The following DHRS4 variants were observed in gnomAD, a reference collection of about 807,000 sequenced individuals.
DHRS4 encodes the protein dehydrogenase/reductase SDR family member 4.
In DHRS4, 20 loss-of-function variants were observed where a neutral mutation model predicts 28.4. The ratio of observed to expected loss-of-function variants is 0.71; its 90% confidence interval spans 0.50 to 1.02. The LOEUF (loss-of-function observed/expected upper bound fraction) is 1.02, where lower values mean the gene tolerates loss of function less well. Among genes scored for constraint, DHRS4 ranks in the 50% least tolerant of loss-of-function variants. DHRS4 has a pLI of 0.00. For synonymous variants in DHRS4, 144 were observed against 146.4 expected, an observed-to-expected ratio of 0.98 and a Z score of 0.12; for missense variants, 378 against 367.2, an observed-to-expected ratio of 1.03 and a Z score of -0.24.
intron 2 of DHRS4, among the ~76,000 whole-genome samples, chr14:23,957,892 C>A (rs547746177): frequency 2.7e-5 from 4 of 149,856 alleles, no homozygotes; most frequent in Non-Finnish European, 5.9e-5. Context: ...TCAATCAAAA[C>A]CCAGCCTCCT....
Position 23,953,816 on chromosome 14 carries a change from T to A in DHRS4, c.28T>A (p.Cys10Ser). 1 of 1,614,130 alleles carries A rather than the reference T, an allele frequency of 6.2e-7. No individual in the cohort carries two copies. Among genetic ancestry groups the A allele is most frequent in the Middle Eastern group, 1.6e-4 (1 of 6,062 alleles). Residue 10 changes from cysteine (C) to serine (S), a missense_variant, in exon 1 of 8, where the codon TGT becomes AGT. By Grantham distance (112) the Cys-to-Ser change is moderately radical. Transcript: ENST00000313250. Reference sequence around the variant, plus strand: ...GCACAAGGCGGGGCTGCTAGGCCTCTGTGCCCGGGCTTGGAATTCGGTGCG... The same window carrying A: ...GCACAAGGCGGGGCTGCTAGGCCTCAGTGCCCGGGCTTGGAATTCGGTGCG... MHKAGLLGL[C>S]ARAWNSVRMA...
chr14:23,955,158 G>A lies in DHRS4; in HGVS notation c.252G>A (p.Thr84=), dbSNP rs12147221. Residue 84 remains threonine (T), a synonymous_variant, in exon 2 of 8, where the codon ACG becomes ACA. Transcript: ENST00000313250. ...ATLQGEGLSV[T]GTVCHVGKAE... is the part of the protein sequence containing the mutation. ...TGCAGGGGGAGGGGCTGAGCGTGAC[G>A]GGCACCGTGTGCCATGTGGGGAAGG... 0.078 allele frequency: 121,234 copies of A among 1,563,468 alleles called. 12,132 individuals are homozygous for A. The highest frequency in any genetic ancestry group is 0.54 in the African/African-American group (40,573 of 74,744).
chr14:23,958,614 GAGAGAC>G (rs1255313609), intron 2 of DHRS4, among the ~76,000 whole-genome samples: 2 of 152,226 alleles, frequency 1.3e-5, no homozygotes, highest in Non-Finnish European at 1.5e-5. Context: ...GGTCAAAAGA[GAGAGAC>G]AGAGACAGGG....
chr14:23,956,599 CTTTT>C (rs1229716867), intron 2 of DHRS4, among the ~76,000 whole-genome samples: 3 of 116,974 alleles, frequency 2.6e-5, no homozygotes. Context: ...CCTCCATATC[CTTTT>C]TTTTTTTTTT....
At chr14:23,960,063 A>C in intron 3 of DHRS4, 60 bp downstream of exon 3, 1 of 1,500,592 alleles carries the variant, frequency 6.7e-7, no homozygotes, top group South Asian at 1.1e-5. Flanking sequence ...TTCAGCACAA[A>C]CTCCATCTGC....
At chr14:23,959,286 C>T (rs1052565108) in intron 2 of DHRS4, among the ~76,000 whole-genome samples, 1 of 152,188 alleles carries the variant, frequency 6.6e-6, no homozygotes, top group Non-Finnish European at 1.5e-5. Flanking sequence ...ATAGGGCCAA[C>T]TTCCTGGTGG....
rs767892759 is a variant in DHRS4 at position 23,966,422 on chromosome 14, G to A, written c.666+5G>A. 1 of 1,613,536 alleles carries A rather than the reference G, an allele frequency of 6.2e-7. No individual in the cohort carries two copies. The highest frequency in any genetic ancestry group is 8.5e-7 in the Non-Finnish European group (1 of 1,179,852). On this transcript the variant is annotated splice_donor_5th_base_variant and intron_variant, in intron 6 of 7. Coordinates refer to ENST00000313250, the MANE Select transcript of DHRS4 (RefSeq NM_021004.4). ...AAGACTAGCTTCAGCAGGATGGTGA[G>A]GAAGGGGAGCTTTGCATTTGACTGG...
intron 2 of DHRS4, among the ~76,000 whole-genome samples, chr14:23,958,773 G>A (rs960680166): frequency 6.6e-6 from 1 of 152,180 alleles, no homozygotes; most frequent in African/African-American, 2.4e-5. Context: ...GTGCTACAAA[G>A]TGGGAGACTG....
chr14:23,962,549 G>A (rs529993457), intron 3 of DHRS4, among the ~76,000 whole-genome samples: 26 of 151,800 alleles, frequency 1.7e-4, no homozygotes, highest in Middle Eastern at 3.4e-3. Context: ...ACATTTTATC[G>A]TGAGATTGTA....
intron 1 of DHRS4, 197 bp downstream of exon 1, chr14:23,954,113 T>A (rs2032975348): frequency 1.2e-6 from 1 of 801,124 alleles, no homozygotes; most frequent in Non-Finnish European, 1.9e-6. Context: ...CCAGCCCTCC[T>A]GTCCCTGCTA....
chr14:23,968,974 C>T lies in DHRS4; in HGVS notation c.*103C>T, dbSNP rs1210395396. 1 of 1,445,570 alleles carries T rather than the reference C, an allele frequency of 6.9e-7. No individual in the cohort carries two copies. The highest frequency in any genetic ancestry group is 2.5e-5 in the East Asian group (1 of 40,394). 89.5% of individuals were successfully genotyped at this position (1,445,570 alleles called of 1,614,324 possible). On this transcript the variant is annotated 3_prime_UTR_variant, in exon 8 of 8. Coordinates refer to ENST00000313250, the MANE Select transcript of DHRS4 (RefSeq NM_021004.4). ...CCACCTCTGCTCACCTTACTGTTCACCTCATCAAATCAGTTCTGCCCTGTG... is the reference window on the plus strand; with the variant it reads ...CCACCTCTGCTCACCTTACTGTTCATCTCATCAAATCAGTTCTGCCCTGTG...
In DHRS4 at chr14:23,954,157, C is replaced by T. The variant is rs1403095760; in HGVS notation, c.128+241C>T. 5.1e-6 allele frequency: 3 copies of T among 584,010 alleles called. No homozygotes were observed. In the African/African-American group the frequency reaches 5.6e-5, roughly 11 times the overall value. 36.2% of individuals were successfully genotyped at this position (584,010 alleles called of 1,614,324 possible). On this transcript the variant is annotated intron_variant, in intron 1 of 7. Transcript: ENST00000313250. The stretch of plus-strand genomic sequence containing the variant: ...ACAACTGTGCCACCTCTGTGCAGCC[C>T]TATCGATCTAGTCTCCCCAGTGTTC...
intron 3 of DHRS4, among the ~76,000 whole-genome samples, chr14:23,964,220 T>TAAAA (rs71119059): frequency 3.8e-3 from 132 of 34,466 alleles, no homozygotes; most frequent in Non-Finnish European, 5.2e-3. Flanking sequence ...CTGCAATTTG[T>TAAAA]AAAAAAAAAA....
rs1885807 is a variant in DHRS4 at position 23,965,899 on chromosome 14, A to C, written c.480-33A>C. ...CACGGGCTGAGGGCACTGGTCCACA[A>C]TGGGAAGATGGTCAGCTCTCTTCTT... On this transcript the variant is annotated intron_variant, in intron 4 of 7. Transcript: ENST00000313250. 2,902 of 1,600,788 alleles carry C rather than the reference A, an allele frequency of 1.8e-3. 188 individuals carry two copies. Among genetic ancestry groups the C allele is most frequent in the African/African-American group, 3.1e-3 (223 of 72,758 alleles).
rs1439236667 is a variant in DHRS4 at position 23,962,797 on chromosome 14, G to C, written c.408+2794G>C. Reference sequence around the variant, plus strand: ...CAGAAGGTTTTCAGTTAACTTTGCCGAGATCCATCAGAGGAATCACTATCC... The same window carrying C: ...CAGAAGGTTTTCAGTTAACTTTGCCCAGATCCATCAGAGGAATCACTATCC... On this transcript the variant is annotated intron_variant, in intron 3 of 7. Coordinates refer to ENST00000313250, the MANE Select transcript of DHRS4 (RefSeq NM_021004.4). 3.8e-4 allele frequency among the ~76,000 whole-genome samples: 56 copies of C among 147,522 alleles called. 2 individuals carry two copies. The highest frequency in any genetic ancestry group is 1.5e-3 in the African/African-American group (54 of 37,120).
intron 1 of DHRS4, among the ~76,000 whole-genome samples, chr14:23,954,486 C>T (rs2033005546): frequency 6.6e-6 from 1 of 152,170 alleles, no homozygotes; most frequent in Admixed American, 6.5e-5. Flanking sequence ...TGCTAGATGC[C>T]AGCTCTTCAC....
At position 23,969,036 on chromosome 14, in the gene DHRS4, T is replaced by C. The variant is rs2033759048; in HGVS notation, c.*165T>C. 2 of 1,334,010 alleles carry C rather than the reference T, an allele frequency of 1.5e-6. No homozygotes were observed. Among genetic ancestry groups the C allele is most frequent in the Admixed American group, 3.0e-5 (1 of 33,458 alleles). The allele number at this position is 1,334,010 out of a possible 1,614,324, so 82.6% of individuals were successfully genotyped here. On this transcript the variant is annotated 3_prime_UTR_variant, in exon 8 of 8. Transcript: ENST00000313250. The stretch of plus-strand genomic sequence containing the variant: ...CCTTCCCTGCCGTCAAGGTGGCGTC[T>C]TACTCGGGATTTCTGCTGTTGTTGT...
At chr14:23,964,240 A>ACAAAAAAC (rs1462158855) in intron 3 of DHRS4, among the ~76,000 whole-genome samples, 31 of 134,250 alleles carry the variant, frequency 2.3e-4, no homozygotes, top group African/African-American at 1.1e-3. Flanking sequence ...AAAAAAAAAA[A>ACAAAAAAC]AAAAAAAAAA....
intron 2 of DHRS4, among the ~76,000 whole-genome samples, chr14:23,956,001 T>C (rs1410414711): frequency 6.6e-6 from 1 of 152,230 alleles, no homozygotes; most frequent in Non-Finnish European, 1.5e-5. Flanking sequence ...AGGATTCTGC[T>C]AACAGATTGG....
Sources: allele counts gnomAD v4.1 joint callset (sites outside exome capture counted in the v4.1 genomes callset), GRCh38; gene constraint gnomAD v4.1.1; transcripts MANE v1.5; gene names NCBI Gene and HGNC (gene_info 2026-07-23, HGNC 2026-07-21).